The following NSG2 variants were observed in gnomAD, a reference collection of about 807,000 sequenced individuals.
NSG2 encodes the protein neuronal vesicle trafficking associated 2, also known as neuronal vesicle trafficking-associated protein 2.
A neutral mutation model predicts 16.9 loss-of-function variants in NSG2; 4 were observed. The ratio of observed to expected loss-of-function variants is 0.24; its 90% CI spans 0.12 to 0.54. The LOEUF is 0.54. Among genes scored for constraint, NSG2 ranks in the 20% least tolerant of loss-of-function variants. The pLI is 0.95. For synonymous variants in NSG2, 98 were observed against 88.7 expected (o/e 1.11, Z -0.59); for missense variants, 179 against 221.1 (o/e 0.81, Z 1.21).
At chr5:174,064,554 G>T in intron 3 of NSG2, 1 of 350,132 alleles carries the variant, frequency 2.9e-6, no homozygotes, top group South Asian at 1.4e-4. Context: ...TCTCATAATT[G>T]ATAAATGCCT....
At chr5:174,083,392 G>T (rs1760528806) in intron 3 of NSG2, among the ~76,000 whole-genome samples, 1 of 152,184 alleles carries the variant, frequency 6.6e-6, no homozygotes, top group African/African-American at 2.4e-5. Context: ...TAACAGAAAT[G>T]AGGCCAGGAA....
chr5:174,061,061 C>T (rs1008870580), intron 2 of NSG2, among the ~76,000 whole-genome samples: 3 of 152,058 alleles, frequency 2.0e-5, no homozygotes, highest in Non-Finnish European at 4.4e-5. Flanking sequence ...ATTATTACCC[C>T]AAGGCTTGTG....
intron 3 of NSG2, among the ~76,000 whole-genome samples, chr5:174,070,193 T>C (rs1029330088): frequency 6.6e-6 from 1 of 152,138 alleles, no homozygotes; most frequent in Non-Finnish European, 1.5e-5. Flanking sequence ...CGTCTGGTCA[T>C]TTTTTTCGTG....
At chr5:174,084,022 T>C (rs987626154) in intron 3 of NSG2, 3 of 152,194 alleles carry the variant, frequency 2.0e-5, no homozygotes, top group Non-Finnish European at 2.9e-5. Flanking sequence ...CCATTTCCTA[T>C]CATTGGTCAG....
At chr5:174,106,043 A>T (rs934211118) in intron 4 of NSG2, among the ~76,000 whole-genome samples, 3 of 152,140 alleles carry the variant, frequency 2.0e-5, no homozygotes, top group Admixed American at 6.5e-5. Flanking sequence ...ACGGAAAGAG[A>T]ATGCTCATTA....
In NSG2 at chr5:174,107,502, C is replaced by T. The variant is rs1249498508; in HGVS notation, c.513C>T (p.His171=). The T allele has an allele frequency of 6.2e-7, 1 of 1,606,858 alleles. No individual in the cohort carries two copies. Among genetic ancestry groups the T allele is most frequent in the Non-Finnish European group, 8.5e-7 (1 of 1,175,210 alleles). The part of the protein sequence containing the change: ...HEPKPPKTQG[H] The stretch of plus-strand genomic sequence containing the variant: ...CCAAGCCGCCCAAGACCCAGGGCCA[C>T]TAGAGGCCTGCCCCAGCCAGAATGG... The change falls in exon 5 of 5, where the codon CAC becomes CAT. Residue 171 remains histidine, a synonymous_variant. Transcript: ENST00000303177. The surrounding 1 kb of genome is among the most constrained non-coding windows in gnomAD (Gnocchi z 4.5).
At chr5:174,089,608 A>C (rs1760691064) in intron 3 of NSG2, among the ~76,000 whole-genome samples, 1 of 152,060 alleles carries the variant, frequency 6.6e-6, no homozygotes, top group Non-Finnish European at 1.5e-5. Context: ...AAGGAAAGGA[A>C]GAGTTTGTGG....
chr5:174,045,895 C>T (rs1289859610), intron 1 of NSG2, 52 bp downstream of exon 1: 1 of 152,406 alleles, frequency 6.6e-6, no homozygotes, highest in Non-Finnish European at 1.5e-5. Context: ...CCTCCAACCC[C>T]TTTCACCCCC....
chr5:174,096,376 C>T (rs1372731404), intron 3 of NSG2, among the ~76,000 whole-genome samples: 1 of 151,988 alleles, frequency 6.6e-6, no homozygotes, highest in East Asian at 1.9e-4. Context: ...AGGGACTTGA[C>T]AGGCTGAGGA....
intron 2 of NSG2, among the ~76,000 whole-genome samples, chr5:174,054,409 C>G (rs2113422519): frequency 6.6e-6 from 1 of 152,302 alleles, no homozygotes; most frequent in East Asian, 1.9e-4. Context: ...CAAGGTCTCT[C>G]TCTGTCGTCC....
chr5:174,091,630 C>T (rs1157544288), intron 3 of NSG2, among the ~76,000 whole-genome samples: 1 of 147,478 alleles, frequency 6.8e-6, no homozygotes, highest in Non-Finnish European at 1.5e-5. Context: ...CTAGAACTTT[C>T]AGGAACTAGG....
At chr5:174,099,705 C>T (rs560978634) in intron 3 of NSG2, among the ~76,000 whole-genome samples, 32 of 152,278 alleles carry the variant, frequency 2.1e-4, no homozygotes, top group Admixed American at 5.9e-4. Context: ...GTGCTCTCCA[C>T]GTTCTTTCCA....
Position 174,105,602 on chromosome 5 carries a change from T to C in NSG2, c.324+1264T>C, listed in dbSNP as rs563395571. ...AACTCCATGTGTCCTTAGAATACAC[T>C]CCACCAAGGGTATAATCTGACTTCC... On this transcript the variant is annotated intron_variant, in intron 4 of 4. Coordinates refer to ENST00000303177, the MANE Select transcript of NSG2 (RefSeq NM_015980.5). Among the ~76,000 whole-genome samples the C allele has an allele frequency of 6.6e-5, 10 of 152,228 alleles. No homozygotes were observed. The East Asian group carries it at 1.9e-3, about 29-fold the overall frequency.
chr5:174,096,276 G>A (rs1411925691), intron 3 of NSG2, among the ~76,000 whole-genome samples: 2 of 152,208 alleles, frequency 1.3e-5, no homozygotes, highest in Non-Finnish European at 2.9e-5. Context: ...GAAGAGCTGT[G>A]ATCAGACAGC....
In NSG2 at chr5:174,046,745, A is replaced by C. The variant is rs1759805695; in HGVS notation, c.-11A>C. 4.3e-6 allele frequency: 7 copies of C among 1,613,958 alleles called. No homozygotes were observed. Among genetic ancestry groups the C allele is most frequent in the Non-Finnish European group, 5.9e-6 (7 of 1,179,994 alleles). On this transcript the variant is annotated 5_prime_UTR_variant, in exon 2 of 5. Transcript: ENST00000303177. ...ACTGCTTGCCTTAGGTCTGGGAAGA[A>C]AGGCGTAAGGATGGTGAAGCTGAAC... is the stretch of plus-strand genomic sequence containing the variant.
intron 2 of NSG2, among the ~76,000 whole-genome samples, chr5:174,063,446 C>T (rs6860147): frequency 0.14 from 21,343 of 152,074 alleles, 2,100 homozygotes; most frequent in African/African-American, 0.27. Context: ...TATTTTTCTT[C>T]TCACAAGTCC....
At chr5:174,099,928 C>T (rs184313168) in intron 3 of NSG2, among the ~76,000 whole-genome samples, 3 of 152,320 alleles carry the variant, frequency 2.0e-5, no homozygotes, top group Non-Finnish European at 4.4e-5. Flanking sequence ...ATCTCTTCCT[C>T]CCCCTGTAGA....
At chr5:174,063,644 A>G (rs1216669240) in intron 2 of NSG2, among the ~76,000 whole-genome samples, 2 of 151,458 alleles carry the variant, frequency 1.3e-5, no homozygotes, top group African/African-American at 4.9e-5. Context: ...AGATATTTTG[A>G]TACAGGCATG....
At chr5:174,097,254 G>A (rs2113471827) in intron 3 of NSG2, among the ~76,000 whole-genome samples, 1 of 152,106 alleles carries the variant, frequency 6.6e-6, no homozygotes, top group South Asian at 2.1e-4. Context: ...GAGGAATCTT[G>A]GGTGCATCTT....
Sources: allele counts gnomAD v4.1 joint callset (sites outside exome capture counted in the v4.1 genomes callset), GRCh38; gene constraint gnomAD v4.1.1; non-coding constraint Gnocchi (gnomAD v3.1); transcripts MANE v1.5; gene names NCBI Gene and HGNC (gene_info 2026-07-23, HGNC 2026-07-21).